MTREX: variants seen among roughly 807,000 people sequenced by gnomAD.
The protein encoded by MTREX is Mtr4 exosome RNA helicase.
A neutral mutation model predicts 135.4 loss-of-function variants in MTREX; 76 were observed. The observed-to-expected ratio is 0.56, with a 90% CI of 0.47 to 0.68. The LOEUF (loss-of-function observed/expected upper bound fraction) is 0.68, where lower values mean the gene tolerates loss of function less well. Ranked by LOEUF, MTREX falls within the 30% of genes least tolerant of loss-of-function variation. The probability of loss-of-function intolerance (pLI) is 0.00; values close to 1 mark genes in which losing one functional copy is unlikely to be tolerated. For synonymous variants in MTREX, 404 were observed against 401.6 expected, an observed-to-expected ratio of 1.01 and a Z score of -0.07; for missense variants, 920 against 1,262.1, an observed-to-expected ratio of 0.73 and a Z score of 4.11.
intron 18 of MTREX, among the ~76,000 whole-genome samples, chr5:55,380,581 A>G (rs898852622): frequency 6.6e-5 from 10 of 152,164 alleles, no homozygotes; most frequent in African/African-American, 2.4e-4. Flanking sequence ...ATATTACATT[A>G]ACTGGTTTTC....
intron 25 of MTREX, among the ~76,000 whole-genome samples, chr5:55,420,366 G>A (rs1751035459): frequency 6.6e-6 from 1 of 152,150 alleles, no homozygotes; most frequent in African/African-American, 2.4e-5. Context: ...AACCGGGTAA[G>A]GCTGATGTTT....
intron 18 of MTREX, among the ~76,000 whole-genome samples, chr5:55,381,987 C>A (rs1036284958): frequency 6.6e-6 from 1 of 152,012 alleles, no homozygotes; most frequent in Admixed American, 6.5e-5. Flanking sequence ...TTTGATTATT[C>A]TTTGCATAAT....
chr5:55,334,033 C>A (rs144267385), intron 5 of MTREX, among the ~76,000 whole-genome samples: 1 of 152,120 alleles, frequency 6.6e-6, no homozygotes, highest in African/African-American at 2.4e-5. Context: ...AGTGCTGATA[C>A]ATGCTTGAAA....
At position 55,343,473 on chromosome 5, in the gene MTREX, T is replaced by C; in HGVS notation, c.906+18T>C. On this transcript the variant is annotated intron_variant, in intron 8 of 26. Transcript: ENST00000230640. ...ATAAACAGGTATTTTTTCCTCCTTT[T>C]TTGATGTCTTCAATATTCAAAATGT... The C allele has an allele frequency of 1.9e-6, 3 of 1,605,384 alleles. No individual in the cohort carries two copies. The highest frequency in any genetic ancestry group is 2.6e-6 in the Non-Finnish European group (3 of 1,174,330).
intron 20 of MTREX, among the ~76,000 whole-genome samples, chr5:55,397,858 T>C (rs568087030): frequency 1.1e-3 from 163 of 152,328 alleles, no homozygotes; most frequent in Non-Finnish European, 1.7e-3. Flanking sequence ...CATTTTTTAA[T>C]ATAGTTAATA....
chr5:55,358,721 C>A, intron 15 of MTREX, 23 bp downstream of exon 15: 2 of 1,557,852 alleles, frequency 1.3e-6, no homozygotes, highest in South Asian at 1.2e-5. Context: ...AGATTGTGTA[C>A]CTTTACCAAG....
At chr5:55,380,794 G>C (rs554588364) in intron 18 of MTREX, among the ~76,000 whole-genome samples, 18 of 152,146 alleles carry the variant, frequency 1.2e-4, no homozygotes, top group Admixed American at 1.1e-3. Flanking sequence ...GTTTGGGTTT[G>C]GTATTAGGGT....
chr5:55,330,431 G>A (rs1047595319), intron 5 of MTREX, among the ~76,000 whole-genome samples: 2 of 151,694 alleles, frequency 1.3e-5, no homozygotes, highest in South Asian at 2.1e-4. Context: ...GTTTTCCTCC[G>A]TGTCTCTTAA....
In MTREX at chr5:55,389,526, A is replaced by G. The variant is rs112322997; in HGVS notation, c.2181+1424A>G. ...GGGGTTGTTAACATGAATTTTACAGATACTCTGTGACTTTAAGGGGATGCA... is the reference window on the plus strand; with the variant it reads ...GGGGTTGTTAACATGAATTTTACAGGTACTCTGTGACTTTAAGGGGATGCA... On this transcript the variant is annotated intron_variant, in intron 19 of 26. Transcript: ENST00000230640. Among the ~76,000 whole-genome samples, 892 of 152,254 alleles carry G rather than the reference A, an allele frequency of 5.9e-3. 8 individuals are homozygous for G. The highest frequency in any genetic ancestry group is 0.021 in the African/African-American group (859 of 41,532).
chr5:55,357,955 T>C (rs1374266828), intron 14 of MTREX, among the ~76,000 whole-genome samples: 1 of 152,220 alleles, frequency 6.6e-6, no homozygotes, highest in Non-Finnish European at 1.5e-5. Flanking sequence ...GCATGAATTA[T>C]AGTCATCTCA....
intron 3 of MTREX, 93 bp downstream of exon 3, chr5:55,324,291 AG>A: frequency 1.2e-6 from 1 of 806,994 alleles, no homozygotes; most frequent in Non-Finnish European, 2.0e-6. Flanking sequence ...TTTAGCCATG[AG>A]GACCTTGGAA....
At position 55,340,181 on chromosome 5, in the gene MTREX, A is replaced by G; in HGVS notation, c.687A>G (p.Thr229=). Reference sequence around the variant, plus strand: ...CGGCATCTTGTCTTGTTATGACCACAGAGGTAATTCATGTAGTGCCTCATC... The same window carrying G: ...CGGCATCTTGTCTTGTTATGACCACGGAGGTAATTCATGTAGTGCCTCATC... ...NPTASCLVMT[T]EILRSMLYRG... The change falls in exon 6 of 27, where the codon ACA becomes ACG. Residue 229 remains threonine, a synonymous_variant. Coordinates refer to ENST00000230640, the MANE Select transcript of MTREX (RefSeq NM_015360.5). The G allele has an allele frequency of 6.4e-7, 1 of 1,559,534 alleles. No homozygotes were observed. Among genetic ancestry groups the G allele is most frequent in the Non-Finnish European group, 8.7e-7 (1 of 1,154,036 alleles).
intron 1 of MTREX, among the ~76,000 whole-genome samples, chr5:55,316,294 G>A (rs1044124072): frequency 5.9e-5 from 9 of 152,102 alleles, no homozygotes; most frequent in Admixed American, 4.6e-4. Flanking sequence ...TGTGAGGCCA[G>A]CATCATCTTG....
chr5:55,421,049 A>G (rs1202537244), intron 25 of MTREX, among the ~76,000 whole-genome samples: 1 of 151,792 alleles, frequency 6.6e-6, no homozygotes, highest in Non-Finnish European at 1.5e-5. Context: ...GGCAGGACCA[A>G]AAAAAAAATT....
At chr5:55,378,555 T>A in intron 17 of MTREX, 69 bp downstream of exon 17, 3 of 1,445,830 alleles carry the variant, frequency 2.1e-6, no homozygotes, top group Non-Finnish European at 1.9e-6. Flanking sequence ...TTAAAGATTC[T>A]AATTTATTTT....
chr5:55,324,172 G>T lies in MTREX; in HGVS notation c.313G>T (p.Glu105Ter). 1 of 1,610,966 alleles carries T rather than the reference G, an allele frequency of 6.2e-7. No individual in the cohort carries two copies. The highest frequency in any genetic ancestry group is 8.5e-7 in the Non-Finnish European group (1 of 1,178,552). The change falls in exon 3 of 27, where the codon GAA becomes TAA. Residue 105 changes from glutamate to a stop codon, truncating the protein, a stop_gained. Transcript: ENST00000230640. LOFTEE classifies it high-confidence loss of function. ...GCCCAGAGTCAAGGTACAATCAGTT[G>T]AAACTGTTGAAGGGTGTACACATGA... ...LMPRVKVQSV[E>*]TVEGCTHEVA...
intron 6 of MTREX, among the ~76,000 whole-genome samples, 158 bp downstream of exon 6, chr5:55,340,342 A>G (rs534218001): frequency 5.3e-5 from 8 of 152,342 alleles, no homozygotes; most frequent in African/African-American, 1.7e-4. Context: ...CATTTATCTT[A>G]AAGTGTTCTG....
chr5:55,352,087 G>A (rs1749839539), intron 13 of MTREX, among the ~76,000 whole-genome samples: 1 of 151,738 alleles, frequency 6.6e-6, no homozygotes. Context: ...GTTTCACCAT[G>A]TTGGCCAGGC....
chr5:55,378,119 T>C (rs1411686232), intron 16 of MTREX, among the ~76,000 whole-genome samples, 195 bp from the exon 17 acceptor site: 8 of 152,038 alleles, frequency 5.3e-5, no homozygotes, highest in Non-Finnish European at 8.8e-5. Flanking sequence ...CAATAAAGCC[T>C]CCATAAAAGG....
Sources: gnomAD v4.1 joint callset for allele counts (sites outside exome capture counted in the v4.1 genomes callset) on GRCh38, gnomAD v4.1.1 for gene constraint, MANE v1.5 for transcripts, NCBI Gene and HGNC (gene_info 2026-07-23, HGNC 2026-07-21) for gene names.